KCNQ1: variants seen among roughly 807,000 people sequenced by gnomAD.
The protein encoded by KCNQ1 is potassium voltage-gated channel subfamily Q member 1.
Under a neutral mutation model 72.4 loss-of-function variants are expected in KCNQ1, and 49 were observed. The observed-to-expected ratio is 0.68, with a 90% CI of 0.54 to 0.86. The LOEUF is 0.86. Ranked by LOEUF, KCNQ1 falls within the 40% of genes least tolerant of loss-of-function variation. The pLI, the probability that KCNQ1 is intolerant of heterozygous loss-of-function variation, is 0.00. For synonymous variants in KCNQ1, 450 were observed against 412.6 expected (o/e 1.09, Z -1.10); for missense variants, 790 against 945.1 (o/e 0.84, Z 2.15).
In KCNQ1 at chr11:2,828,955, C is replaced by T. The variant is rs951207645; in HGVS notation, c.1795-18812C>T. Among the ~76,000 whole-genome samples, 2 of 152,284 alleles carry T rather than the reference C, an allele frequency of 1.3e-5. No homozygotes were observed. Among genetic ancestry groups the T allele is most frequent in the Admixed American group, 1.3e-4 (2 of 15,304 alleles). Reference sequence around the variant, plus strand: ...TTAACAGCAATTCAGAAAGCTAGCACATAGTAGAGAAATGCCTTCAAACAT... The same window carrying T: ...TTAACAGCAATTCAGAAAGCTAGCATATAGTAGAGAAATGCCTTCAAACAT... On this transcript the variant is annotated intron_variant, in intron 15 of 15. Transcript: ENST00000155840. This position sits in a 1 kb window ranked among gnomAD's most constrained non-coding sequence, Gnocchi z 5.3.
At chr11:2,665,449 C>A in intron 11 of KCNQ1, 1 of 397,408 alleles carries the variant, frequency 2.5e-6, no homozygotes. Context: ...CACCAAGGGT[C>A]ACTGGCACGA....
rs2133780203 is a variant in KCNQ1, at chr11:2,603,837, C to CATA, written c.1393+14983_1393+14984insATA. ...TCCCAAGTAGGTGGGATTACGGGCA[C>CATA]GCACCACCAAGCCCGGCTAATTTTT... On this transcript the variant is annotated intron_variant, in intron 10 of 15. Coordinates refer to ENST00000155840, the MANE Select transcript of KCNQ1 (RefSeq NM_000218.3). This position sits in a 1 kb window ranked among gnomAD's most constrained non-coding sequence, Gnocchi z 4.1. Among the ~76,000 whole-genome samples, 1 of 152,060 alleles carries CATA rather than the reference C, an allele frequency of 6.6e-6. No individual in the cohort carries two copies. The highest frequency in any genetic ancestry group is 2.1e-4 in the South Asian group (1 of 4,814).
chr11:2,753,660 C>T (rs1156661003), intron 11 of KCNQ1, among the ~76,000 whole-genome samples: 2 of 152,244 alleles, frequency 1.3e-5, no homozygotes, highest in Non-Finnish European at 2.9e-5. Flanking sequence ...ATTTTCATCA[C>T]CCTCAAAATG....
chr11:2,724,124 C>T lies in KCNQ1; in HGVS notation c.1515-44720C>T, dbSNP rs934021406. ...ATAGAGAATCACATCTGGACCAGGA[C>T]GTTCTGGTAAGATCGCCAGGGGGCC... is the stretch of plus-strand genomic sequence containing the variant. On this transcript the variant is annotated intron_variant, in intron 11 of 15. Transcript: ENST00000155840. The surrounding 1 kb of genome is among the most constrained non-coding windows in gnomAD (Gnocchi z 6.8). 6.6e-5 allele frequency among the ~76,000 whole-genome samples: 10 copies of T among 152,052 alleles called. No individual in the cohort carries two copies. The highest frequency in any genetic ancestry group is 2.2e-4 in the African/African-American group (9 of 41,398).
rs1453368166 is a variant in KCNQ1 at position 2,806,587 on chromosome 11, C to T, written c.1794+28550C>T. Among the ~76,000 whole-genome samples, 4 of 152,220 alleles carry T rather than the reference C, an allele frequency of 2.6e-5. No individual in the cohort carries two copies. The South Asian group carries it at 6.2e-4, about 24-fold the overall frequency. ...TGTGCTCCCCACCGAGCAGCTGGGCCGTGTCTGCTTTCCGAGGAGGCTGCA... is the reference window on the plus strand; with the variant it reads ...TGTGCTCCCCACCGAGCAGCTGGGCTGTGTCTGCTTTCCGAGGAGGCTGCA... On this transcript the variant is annotated intron_variant, in intron 15 of 15. Coordinates refer to ENST00000155840, the MANE Select transcript of KCNQ1 (RefSeq NM_000218.3).
intron 10 of KCNQ1, among the ~76,000 whole-genome samples, chr11:2,589,576 G>A (rs961008179): frequency 2.6e-5 from 4 of 152,318 alleles, no homozygotes; most frequent in East Asian, 1.9e-4. Context: ...CCAGCCACAC[G>A]GCGGGAATAC....
chr11:2,801,819 C>T (rs1213409500), intron 15 of KCNQ1, among the ~76,000 whole-genome samples: 2 of 152,226 alleles, frequency 1.3e-5, no homozygotes, highest in East Asian at 1.9e-4. Context: ...CTCAGGGCCA[C>T]GCCCACTGCC....
Position 2,538,666 on chromosome 11 carries a change from T to C in KCNQ1, c.477+10648T>C, listed in dbSNP as rs1261702127. Among the ~76,000 whole-genome samples the C allele has an allele frequency of 6.6e-6, 1 of 151,474 alleles. No homozygotes were observed. The highest frequency in any genetic ancestry group is 1.5e-5 in the Non-Finnish European group (1 of 67,882). ...GGCTGGAACCGGAAACTTCCCTGAG[T>C]ATACGGGGCCTTGTGTGTGGAGGGG... is the stretch of plus-strand genomic sequence containing the variant. On this transcript the variant is annotated intron_variant, in intron 2 of 15. Transcript: ENST00000155840. This position sits in a 1 kb window ranked among gnomAD's most constrained non-coding sequence, Gnocchi z 6.7.
rs186893419 is a variant in KCNQ1, at chr11:2,488,655, C to G, written c.387-39273C>G. ...TGTTGATACACAATTGTTCACAATA[C>G]TCTCTTATAATCCTTTTTATTTCTG... On this transcript the variant is annotated intron_variant, in intron 1 of 15. Transcript: ENST00000155840. This position sits in a 1 kb window ranked among gnomAD's most constrained non-coding sequence, Gnocchi z 5.1. Among the ~76,000 whole-genome samples the G allele has an allele frequency of 9.7e-4, 148 of 152,284 alleles. No individual in the cohort carries two copies. Among genetic ancestry groups the G allele is most frequent in the Admixed American group, 3.1e-3 (47 of 15,300 alleles).
chr11:2,837,880 T>C (rs1848109684), intron 15 of KCNQ1, among the ~76,000 whole-genome samples: 1 of 152,128 alleles, frequency 6.6e-6, no homozygotes, highest in Non-Finnish European at 1.5e-5. Context: ...GAGGCTGGTA[T>C]CTCGAGAACA....
At chr11:2,517,965 A>C (rs1427620050) in intron 1 of KCNQ1, among the ~76,000 whole-genome samples, 3 of 152,242 alleles carry the variant, frequency 2.0e-5, no homozygotes, top group African/African-American at 7.2e-5. Flanking sequence ...GAAGGAAAAG[A>C]ACAGAGTCTA....
rs1438949046 is a variant in KCNQ1 at position 2,541,690 on chromosome 11, C to A, written c.477+13672C>A. On this transcript the variant is annotated intron_variant, in intron 2 of 15. Coordinates refer to ENST00000155840, the MANE Select transcript of KCNQ1 (RefSeq NM_000218.3). The surrounding 1 kb of genome is among the most constrained non-coding windows in gnomAD (Gnocchi z 4.8). The stretch of plus-strand genomic sequence containing the variant: ...TCAAGTTCTCTTGCTTCATCTCAGG[C>A]TCAGGTGTTTTGAGTTTTTTTTTTT... 6.9e-6 allele frequency among the ~76,000 whole-genome samples: 1 copy of A among 144,962 alleles called. No homozygotes were observed. The highest frequency in any genetic ancestry group is 2.7e-5 in the African/African-American group (1 of 37,432).
rs144679646 is a variant in KCNQ1, at chr11:2,516,307, C to T, written c.387-11621C>T. On this transcript the variant is annotated intron_variant, in intron 1 of 15. Transcript: ENST00000155840. This position sits in a 1 kb window ranked among gnomAD's most constrained non-coding sequence, Gnocchi z 7.0. ...TCAGGCTTCTCATGAAGTTTAGAGG[C>T]GACAGGAGGAGGTGGGCTTTAAATG... Among the ~76,000 whole-genome samples, 359 of 152,180 alleles carry T rather than the reference C, an allele frequency of 2.4e-3. No homozygotes were observed. The highest frequency in any genetic ancestry group is 3.7e-3 in the Non-Finnish European group (252 of 68,016).
chr11:2,527,033 G>A (rs1334900687), intron 1 of KCNQ1, among the ~76,000 whole-genome samples: 1 of 152,172 alleles, frequency 6.6e-6, no homozygotes, highest in African/African-American at 2.4e-5. Flanking sequence ...GAGGAAGGCC[G>A]GGCGGGCCCT....
In KCNQ1 at chr11:2,628,910, A is replaced by T. The variant is rs189671984; in HGVS notation, c.1394-33051A>T. 4.5e-5 allele frequency: 18 copies of T among 398,362 alleles called. No homozygotes were observed. The Admixed American group carries it at 6.6e-4, about 15-fold the overall frequency. The allele number at this position is 398,362 out of a possible 1,614,324, so 24.7% of individuals were successfully genotyped here. A position where few individuals can be genotyped will look rare whatever the true frequency, so the allele number is the denominator to read the frequency against. ...TGTGTACTCTTGGTGTCTTTGTCAA[A>T]GATTAGTTGACCATAAATGTGTGGG... is the stretch of plus-strand genomic sequence containing the variant. On this transcript the variant is annotated intron_variant, in intron 10 of 15. Coordinates refer to ENST00000155840, the MANE Select transcript of KCNQ1 (RefSeq NM_000218.3).
At position 2,670,578 on chromosome 11, in the gene KCNQ1, G is replaced by A; in HGVS notation, c.1514+8497G>A. ...CCAGTATCACTGGGAGATAGGAGCA[G>A]AAGCCAGGGCTCATTCCCAGACACA... On this transcript the variant is annotated intron_variant, in intron 11 of 15. Coordinates refer to ENST00000155840, the MANE Select transcript of KCNQ1 (RefSeq NM_000218.3). This position sits in a 1 kb window ranked among gnomAD's most constrained non-coding sequence, Gnocchi z 4.9. 2.5e-6 allele frequency: 1 copy of A among 398,346 alleles called. No individual in the cohort carries two copies. The highest frequency in any genetic ancestry group is 4.4e-6 in the Non-Finnish European group (1 of 226,026). 24.7% of individuals were successfully genotyped at this position (398,346 alleles called of 1,614,324 possible). A position where few individuals can be genotyped will look rare whatever the true frequency, so the allele number is the denominator to read the frequency against.
At chr11:2,561,219 AAAAAG>A (rs1287781843) in intron 2 of KCNQ1, among the ~76,000 whole-genome samples, 4 of 151,756 alleles carry the variant, frequency 2.6e-5, no homozygotes, top group Admixed American at 1.3e-4. Context: ...AAAAAAAGAA[AAAAAG>A]AAAAAAAAGG....
chr11:2,735,385 G>T lies in KCNQ1; in HGVS notation c.1515-33459G>T, dbSNP rs952707488. Among the ~76,000 whole-genome samples the T allele has an allele frequency of 4.1e-5, 6 of 146,322 alleles. No individual in the cohort carries two copies. Reference sequence around the variant, plus strand: ...CATGGCCGCCCCCACCTCCCCTCCCGCAAGCTTCTCCCCTTCCTTCAGAGC... The same window carrying T: ...CATGGCCGCCCCCACCTCCCCTCCCTCAAGCTTCTCCCCTTCCTTCAGAGC... On this transcript the variant is annotated intron_variant, in intron 11 of 15. Coordinates refer to ENST00000155840, the MANE Select transcript of KCNQ1 (RefSeq NM_000218.3). This position sits in a 1 kb window ranked among gnomAD's most constrained non-coding sequence, Gnocchi z 7.7.
At chr11:2,665,136 C>G (rs1850042470) in intron 11 of KCNQ1, 1 of 398,540 alleles carries the variant, frequency 2.5e-6, no homozygotes, top group South Asian at 1.3e-4. Context: ...GTGGGCCCTA[C>G]TGCTCAGCCT....
Sources: allele counts gnomAD v4.1 joint callset (sites outside exome capture counted in the v4.1 genomes callset), GRCh38; gene constraint gnomAD v4.1.1; non-coding constraint Gnocchi (gnomAD v3.1); transcripts MANE v1.5; gene names NCBI Gene and HGNC (gene_info 2026-07-23, HGNC 2026-07-21).